The following NUP153 variants were observed in gnomAD, a reference collection of about 807,000 sequenced individuals.
NUP153 encodes nucleoporin 153.
A neutral mutation model predicts 134.6 loss-of-function variants in NUP153; 27 were observed. The ratio of observed to expected loss-of-function variants is 0.20; its 90% CI spans 0.15 to 0.28. The LOEUF is 0.28. NUP153 is among the 10% of genes least tolerant of loss of function. The probability of loss-of-function intolerance (pLI) is 1.00; values close to 1 mark genes in which losing one functional copy is unlikely to be tolerated. For synonymous variants in NUP153, 640 were observed against 623.5 expected (o/e 1.03, Z -0.40); for missense variants, 1,821 against 1,731.3 (o/e 1.05, Z -0.92).
At position 17,675,622 on chromosome 6, in the gene NUP153, C is replaced by T. The variant is rs1301711796; in HGVS notation, c.483G>A (p.Ser161=). The change falls in exon 3 of 22, where the codon TCG becomes TCA. Residue 161 remains serine, a synonymous_variant. Coordinates refer to ENST00000262077, the MANE Select transcript of NUP153 (RefSeq NM_005124.4). This position sits in a 1 kb window ranked among gnomAD's most constrained non-coding sequence, Gnocchi z 4.4. ...STSSAFPIGS[S]GFSLVKEIKD... ...TAATTTCCTTTACAAGGGAAAATCC[C>T]GAACTGCCAATTGGGAATGCCGAGG... The T allele has an allele frequency of 6.8e-6, 11 of 1,613,970 alleles. No homozygotes were observed. The highest frequency in any genetic ancestry group is 6.7e-5 in the African/African-American group (5 of 74,886).
chr6:17,694,838 GCATGGTGGTGGGCACCTGTAGACC>G (rs1769533307), intron 1 of NUP153, among the ~76,000 whole-genome samples: 1 of 151,916 alleles, frequency 6.6e-6, no homozygotes, highest in Non-Finnish European at 1.5e-5. Flanking sequence ...AAGTAGCCGG[GCATGGTGGTGGGCACCTGTAGACC>G]CAGCTACTTG....
At chr6:17,619,927 G>A (rs1376709286) in intron 20 of NUP153, among the ~76,000 whole-genome samples, 10 of 151,672 alleles carry the variant, frequency 6.6e-5, no homozygotes, top group Admixed American at 2.0e-4. Flanking sequence ...GCAAAACCCC[G>A]TCTCTACTAA....
intron 11 of NUP153, among the ~76,000 whole-genome samples, chr6:17,657,110 A>C (rs1045802940): frequency 2.0e-5 from 3 of 152,152 alleles, no homozygotes; most frequent in Non-Finnish European, 4.4e-5. Context: ...AAGTTCTGAG[A>C]TCTTCGGCTG....
At chr6:17,639,725 A>C (rs139990509) in intron 15 of NUP153, among the ~76,000 whole-genome samples, 2,348 of 152,224 alleles carry the variant, frequency 0.015, 52 homozygotes, top group Admixed American at 0.016. Flanking sequence ...TCCTCCTCCT[A>C]CACTTGCCTA....
intron 20 of NUP153, 109 bp downstream of exon 20, chr6:17,624,451 AC>A (rs1764814130): frequency 9.6e-7 from 1 of 1,045,170 alleles, no homozygotes; most frequent in South Asian, 1.6e-5. Flanking sequence ...TCTGCCAAGT[AC>A]AAGAGATAAT....
chr6:17,679,406 C>G (rs538227366), intron 2 of NUP153, among the ~76,000 whole-genome samples: 1 of 152,272 alleles, frequency 6.6e-6, no homozygotes, highest in South Asian at 2.1e-4. Context: ...CGTACATGGA[C>G]TACAAGACTA....
At chr6:17,667,469 C>T (rs1767601346) in intron 8 of NUP153, among the ~76,000 whole-genome samples, 2 of 152,176 alleles carry the variant, frequency 1.3e-5, no homozygotes, top group Admixed American at 1.3e-4. Flanking sequence ...AATCCCAGCA[C>T]TTTGGGAGGC....
chr6:17,701,676 AT>A (rs1442616762), intron 1 of NUP153, among the ~76,000 whole-genome samples: 3 of 142,460 alleles, frequency 2.1e-5, no homozygotes, highest in Non-Finnish European at 4.7e-5. Flanking sequence ...AAAAAAAAAA[AT>A]ACAAAAATTA....
At chr6:17,656,825 T>C (rs1195841650) in intron 11 of NUP153, among the ~76,000 whole-genome samples, 1 of 152,206 alleles carries the variant, frequency 6.6e-6, no homozygotes, top group African/African-American at 2.4e-5. Flanking sequence ...TGTCTCTTCA[T>C]GCCTCTTTAT....
At chr6:17,619,823 C>T (rs568321863) in intron 20 of NUP153, among the ~76,000 whole-genome samples, 18 of 152,096 alleles carry the variant, frequency 1.2e-4, no homozygotes, top group Non-Finnish European at 2.4e-4. Context: ...TCCGGCCAGG[C>T]GCTGTGGCTC....
At chr6:17,687,703 A>G (rs1769019317) in intron 2 of NUP153, among the ~76,000 whole-genome samples, 1 of 152,230 alleles carries the variant, frequency 6.6e-6, no homozygotes, top group Admixed American at 6.5e-5. Context: ...ATAGGGCTAC[A>G]AAAAGTTTTG....
At chr6:17,700,635 A>G (rs1192935150) in intron 1 of NUP153, among the ~76,000 whole-genome samples, 1 of 152,226 alleles carries the variant, frequency 6.6e-6, no homozygotes, top group Non-Finnish European at 1.5e-5. Context: ...GATACCAGGC[A>G]GGACATACTT....
At chr6:17,629,584 T>A in intron 17 of NUP153, 45 bp from the exon 18 acceptor site, 1 of 1,506,914 alleles carries the variant, frequency 6.6e-7, no homozygotes, top group Non-Finnish European at 8.8e-7. Flanking sequence ...AATGTACTGA[T>A]CCTCTCAAAC....
chr6:17,615,672 C>CTCTA lies in NUP153; in HGVS notation c.*421_*424dup, dbSNP rs1764274153. 1 of 154,886 alleles carries CTCTA rather than the reference C, an allele frequency of 6.5e-6. No homozygotes were observed. The highest frequency in any genetic ancestry group is 2.0e-4 in the South Asian group (1 of 4,990). 9.6% of individuals were successfully genotyped at this position (154,886 alleles called of 1,614,324 possible). A position where few individuals can be genotyped will look rare whatever the true frequency, so the allele number is the denominator to read the frequency against. ...CATAGAAATCATCCGTTTCAACACT[C>CTCTA]TCTAATCTATACAGAATTCTAATCT... On this transcript the variant is annotated 3_prime_UTR_variant, in exon 22 of 22. Coordinates refer to ENST00000262077, the MANE Select transcript of NUP153 (RefSeq NM_005124.4). The surrounding 1 kb of genome is among the most constrained non-coding windows in gnomAD (Gnocchi z 5.7).
intron 1 of NUP153, among the ~76,000 whole-genome samples, chr6:17,690,970 T>A (rs1769241990): frequency 6.6e-6 from 1 of 151,948 alleles, no homozygotes; most frequent in East Asian, 1.9e-4. Flanking sequence ...AAACCCCGCC[T>A]CTCCTAAAAA....
intron 8 of NUP153, 32 bp from the exon 9 acceptor site, chr6:17,665,417 T>C (rs1767473017): frequency 1.3e-6 from 2 of 1,560,064 alleles, no homozygotes; most frequent in East Asian, 4.5e-5. Flanking sequence ...AAAACATTTA[T>C]TTTCATATAA....
At chr6:17,649,664 C>A (rs912463390) in intron 11 of NUP153, among the ~76,000 whole-genome samples, 1 of 152,104 alleles carries the variant, frequency 6.6e-6, no homozygotes, top group African/African-American at 2.4e-5. Context: ...CAACCATGAT[C>A]CAAAGATATT....
chr6:17,673,090 T>C (rs1768010870), intron 5 of NUP153, among the ~76,000 whole-genome samples: 1 of 152,108 alleles, frequency 6.6e-6, no homozygotes. Context: ...AACTTCTGGC[T>C]GGGCGCGGTG....
intron 14 of NUP153, among the ~76,000 whole-genome samples, chr6:17,640,413 CACA>C (rs1287838498): frequency 6.6e-6 from 1 of 152,176 alleles, no homozygotes; most frequent in Non-Finnish European, 1.5e-5. Flanking sequence ...TATCTGATTA[CACA>C]ACAATTTACA....
Sources: allele counts gnomAD v4.1 joint callset (sites outside exome capture counted in the v4.1 genomes callset), GRCh38; gene constraint gnomAD v4.1.1; non-coding constraint Gnocchi (gnomAD v3.1); transcripts MANE v1.5; gene names NCBI Gene and HGNC (gene_info 2026-07-23, HGNC 2026-07-21).